SAMMSON: variants seen among roughly 807,000 people sequenced by gnomAD.
SAMMSON encodes long intergenic non-protein coding RNA 1212.
At chr3:70,357,052 C>T (rs914114285) in intron 8 of SAMMSON, among the ~76,000 whole-genome samples, 2 of 152,048 alleles carry the variant, frequency 1.3e-5, no homozygotes, top group South Asian at 4.1e-4. Flanking sequence ...AAATTATATT[C>T]TGGGGGTTTT....
At chr3:70,108,283 G>C (rs1036586699) in intron 4 of SAMMSON, among the ~76,000 whole-genome samples, 1 of 152,002 alleles carries the variant, frequency 6.6e-6, no homozygotes, top group African/African-American at 2.4e-5. Flanking sequence ...CCCTGGAATT[G>C]CAGGTATAAG....
intron 9 of SAMMSON, among the ~76,000 whole-genome samples, chr3:70,370,824 G>GA: frequency 6.6e-6 from 1 of 151,790 alleles, no homozygotes; most frequent in Non-Finnish European, 1.5e-5. Context: ...GTTTAATATA[G>GA]TCCTATTTGT....
intron 9 of SAMMSON, among the ~76,000 whole-genome samples, chr3:70,375,116 C>T (rs1703002742): frequency 6.6e-6 from 1 of 152,102 alleles, no homozygotes; most frequent in Admixed American, 6.6e-5. Context: ...ACATCTATGC[C>T]ATATTGCTAA....
chr3:70,078,781 C>T (rs566355548), intron 4 of SAMMSON, among the ~76,000 whole-genome samples: 22 of 152,100 alleles, frequency 1.4e-4, no homozygotes, highest in Admixed American at 9.2e-4. Context: ...TTGTTGGGCA[C>T]GTTCAGGGTC....
At chr3:70,133,165 G>C (rs968914457) in intron 4 of SAMMSON, among the ~76,000 whole-genome samples, 4 of 152,150 alleles carry the variant, frequency 2.6e-5, no homozygotes, top group African/African-American at 9.7e-5. Flanking sequence ...GATAGCTGCA[G>C]GGTGGGGGCT....
chr3:70,014,999 G>C (rs964947202), intron 3 of SAMMSON: 3 of 152,222 alleles, frequency 2.0e-5, no homozygotes, highest in Non-Finnish European at 2.9e-5. Flanking sequence ...ACCATCTTGG[G>C]GCCAGGTGCT....
chr3:70,287,863 T>C (rs1702183870), intron 6 of SAMMSON, among the ~76,000 whole-genome samples: 1 of 152,046 alleles, frequency 6.6e-6, no homozygotes, highest in Non-Finnish European at 1.5e-5. Context: ...TTTGTAGTAT[T>C]CTCTGATGGT....
intron 2 of SAMMSON, among the ~76,000 whole-genome samples, chr3:70,427,023 T>G (rs1701376004): frequency 6.6e-6 from 1 of 152,238 alleles, no homozygotes; most frequent in Admixed American, 6.5e-5. Flanking sequence ...ATTGATAGTT[T>G]GTGAATAGTT....
At chr3:70,016,712 G>A (rs891325493) in intron 3 of SAMMSON, among the ~76,000 whole-genome samples, 2 of 152,060 alleles carry the variant, frequency 1.3e-5, no homozygotes, top group African/African-American at 4.8e-5. Context: ...GGGTTTTTAT[G>A]GTTTTAGGTC....
chr3:70,429,049 T>G (rs1216998995), intron 2 of SAMMSON, among the ~76,000 whole-genome samples: 1 of 152,220 alleles, frequency 6.6e-6, no homozygotes, highest in Non-Finnish European at 1.5e-5. Flanking sequence ...GCCTATGGCC[T>G]GAATGGTATT....
intron 6 of SAMMSON, among the ~76,000 whole-genome samples, chr3:70,267,360 A>G (rs1472096578): frequency 7.0e-6 from 1 of 143,872 alleles, no homozygotes; most frequent in African/African-American, 2.6e-5. Flanking sequence ...AGGATTATAG[A>G]CTCTACTCTC....
chr3:70,267,820 A>T lies in SAMMSON; in HGVS notation n.674+18150A>T, dbSNP rs923503997. Among the ~76,000 whole-genome samples, 10 of 152,216 alleles carry T rather than the reference A, an allele frequency of 6.6e-5. No individual in the cohort carries two copies. In the East Asian group the frequency reaches 1.2e-3, roughly 18 times the overall value. ...TTTTAGGAAACAAGTTTTGTTAGGT[A>T]AAAAATGGAAATTTAATATGATTAC... is the stretch of plus-strand genomic sequence containing the variant. On this transcript the variant is annotated intron_variant and non_coding_transcript_variant, in intron 6 of 9. Coordinates refer to ENST00000642114, the Ensembl canonical transcript of SAMMSON.
intron 6 of SAMMSON, among the ~76,000 whole-genome samples, chr3:70,264,898 A>G (rs1384760771): frequency 6.6e-6 from 1 of 152,218 alleles, no homozygotes; most frequent in Non-Finnish European, 1.5e-5. Flanking sequence ...AGGAAAGACG[A>G]TTAATTGACT....
In SAMMSON at chr3:70,103,164, C is replaced by T. The variant is rs528949011; in HGVS notation, n.507+31599C>T. Among the ~76,000 whole-genome samples, 8 of 152,232 alleles carry T rather than the reference C, an allele frequency of 5.3e-5. No individual in the cohort carries two copies. In the East Asian group the frequency reaches 5.8e-4, roughly 11 times the overall value. On this transcript the variant is annotated intron_variant and non_coding_transcript_variant, in intron 4 of 9. Coordinates refer to ENST00000642114, the Ensembl canonical transcript of SAMMSON. ...GGTACCGTGCTGGAATGCAGGCCCA[C>T]GGTTACCTGAGTATCTCAGGTTTTT...
intron 4 of SAMMSON, among the ~76,000 whole-genome samples, chr3:70,136,650 A>G (rs906663661): frequency 1.3e-5 from 2 of 152,222 alleles, no homozygotes; most frequent in African/African-American, 4.8e-5. Context: ...GTAATTTGCC[A>G]TGCAGTAATA....
chr3:70,400,174 A>G (rs563818791), intron 2 of SAMMSON, among the ~76,000 whole-genome samples: 51 of 152,216 alleles, frequency 3.4e-4, no homozygotes, highest in Non-Finnish European at 6.6e-4. Context: ...GACCAATCAA[A>G]AACAACCAGT....
chr3:70,152,856 G>C (rs1042440884), intron 4 of SAMMSON, among the ~76,000 whole-genome samples: 3 of 152,056 alleles, frequency 2.0e-5, no homozygotes, highest in Non-Finnish European at 4.4e-5. Flanking sequence ...TCCAGGGGGA[G>C]TGCCACAATC....
chr3:70,125,401 T>A (rs1457759178), intron 4 of SAMMSON: 10 of 1,360,368 alleles, frequency 7.4e-6, no homozygotes, highest in Non-Finnish European at 1.0e-5. Flanking sequence ...AAACTGAAAG[T>A]GTTTCCATTT....
At chr3:70,311,849 T>G (rs1482421736) in intron 7 of SAMMSON, 1 of 397,180 alleles carries the variant, frequency 2.5e-6, no homozygotes, top group East Asian at 3.6e-5. Flanking sequence ...AAGCAAAATT[T>G]TCACACCAAT....
Sources: allele counts gnomAD v4.1 joint callset (sites outside exome capture counted in the v4.1 genomes callset), GRCh38; gene constraint gnomAD v4.1.1; transcripts MANE v1.5; gene names NCBI Gene and HGNC (gene_info 2026-07-23, HGNC 2026-07-21).